The following OPCML variants were observed in gnomAD, a reference collection of about 807,000 sequenced individuals.
OPCML encodes opioid binding protein/cell adhesion molecule like.
OPCML carries 13 observed loss-of-function variants against 37.8 expected under a neutral mutation model. The ratio of observed to expected loss-of-function variants is 0.34; its 90% CI spans 0.22 to 0.55. OPCML has a LOEUF of 0.55. OPCML is among the 20% of genes least tolerant of loss of function. OPCML has a pLI of 0.91. For synonymous variants in OPCML, 176 were observed against 168.8 expected, an observed-to-expected ratio of 1.04 and a Z score of -0.33; for missense variants, 341 against 435.6, an observed-to-expected ratio of 0.78 and a Z score of 1.93.
chr11:133,075,955 G>A (rs1402854908), intron 1 of OPCML, among the ~76,000 whole-genome samples: 1 of 152,088 alleles, frequency 6.6e-6, no homozygotes, highest in Non-Finnish European at 1.5e-5. Context: ...TGTTATTTGG[G>A]ATGACTTAAA....
In OPCML at chr11:132,419,895, A is replaced by G; in HGVS notation, c.*298T>C. ...GCAGAGGATGTTGTTGGGAATGATG[A>G]TGAGGAGAGAAGCAGAGGAAAGGGA... On this transcript the variant is annotated 3_prime_UTR_variant, in exon 8 of 8. Transcript: ENST00000524381. 1 of 341,378 alleles carries G rather than the reference A, an allele frequency of 2.9e-6. No individual in the cohort carries two copies. The highest frequency in any genetic ancestry group is 5.4e-6 in the Non-Finnish European group (1 of 186,526). The allele number at this position is 341,378 out of a possible 1,614,324, so 21.1% of individuals were successfully genotyped here.
At chr11:132,781,383 C>G (rs1258966388) in intron 2 of OPCML, among the ~76,000 whole-genome samples, 3 of 151,930 alleles carry the variant, frequency 2.0e-5, no homozygotes, top group Non-Finnish European at 4.4e-5. Flanking sequence ...GCTTTTCTTG[C>G]TTTTGGACTT....
chr11:132,619,883 A>T (rs1414980764), intron 3 of OPCML, among the ~76,000 whole-genome samples: 2 of 151,788 alleles, frequency 1.3e-5, no homozygotes, highest in Non-Finnish European at 2.9e-5. Flanking sequence ...GCCTAAAACA[A>T]TGGGAAAATA....
intron 1 of OPCML, among the ~76,000 whole-genome samples, chr11:133,131,649 A>G (rs887366886): frequency 6.6e-6 from 1 of 152,210 alleles, no homozygotes; most frequent in African/African-American, 2.4e-5. Context: ...TGATATAGCA[A>G]TAACACCCTT....
chr11:133,058,282 G>A (rs1358080338), intron 1 of OPCML, among the ~76,000 whole-genome samples: 1 of 152,198 alleles, frequency 6.6e-6, no homozygotes, highest in Non-Finnish European at 1.5e-5. Flanking sequence ...ACATGACGTG[G>A]AATTTAAAGG....
chr11:133,141,888 C>G (rs1390421802), intron 1 of OPCML, among the ~76,000 whole-genome samples: 3 of 152,200 alleles, frequency 2.0e-5, no homozygotes, highest in Admixed American at 6.5e-5. Context: ...CCTTCTCACG[C>G]TCTGTCTCAT....
chr11:133,167,521 CTT>C (rs113920335), intron 1 of OPCML, among the ~76,000 whole-genome samples: 493 of 133,644 alleles, frequency 3.7e-3, no homozygotes, highest in African/African-American at 0.013. Context: ...TGCCAGCTTT[CTT>C]TCTCTTTTTT....
chr11:132,578,811 A>G (rs534796717), intron 3 of OPCML, among the ~76,000 whole-genome samples: 1 of 152,266 alleles, frequency 6.6e-6, no homozygotes, highest in African/African-American at 2.4e-5. Flanking sequence ...ATCATATGCA[A>G]TATTACATAT....
chr11:133,449,247 G>A (rs548340085), intron 1 of OPCML, among the ~76,000 whole-genome samples: 1 of 152,304 alleles, frequency 6.6e-6, no homozygotes, highest in Admixed American at 6.5e-5. Context: ...GCTTTTTTCT[G>A]CAAAAGGACA....
chr11:132,739,551 A>G (rs933366907), intron 2 of OPCML, among the ~76,000 whole-genome samples: 6 of 152,216 alleles, frequency 3.9e-5, no homozygotes, highest in Admixed American at 2.6e-4. Flanking sequence ...AGAAAATTTC[A>G]TGGGTGGGAC....
rs543565648 is a variant in OPCML at position 132,908,179 on chromosome 11, G to A, written c.146+34747C>T. On this transcript the variant is annotated intron_variant, in intron 2 of 7. Transcript: ENST00000524381. Reference sequence around the variant, plus strand: ...GCACAAACTCCTGCCCATCAAATACGGCCTGACTAATAACAGGAAGACTGA... The same window carrying A: ...GCACAAACTCCTGCCCATCAAATACAGCCTGACTAATAACAGGAAGACTGA... 2.6e-5 allele frequency among the ~76,000 whole-genome samples: 4 copies of A among 152,170 alleles called. No homozygotes were observed. In the South Asian group the frequency reaches 8.3e-4, roughly 32 times the overall value.
chr11:133,079,491 C>A (rs944659650), intron 1 of OPCML, among the ~76,000 whole-genome samples: 5 of 151,158 alleles, frequency 3.3e-5, no homozygotes, highest in African/African-American at 4.8e-5. Context: ...TCAGATAAAT[C>A]AAAAATCTCT....
chr11:133,112,285 CAAAAAAAAAAA>C (rs370146450), intron 1 of OPCML, among the ~76,000 whole-genome samples: 30 of 49,144 alleles, frequency 6.1e-4, no homozygotes, highest in Admixed American at 5.3e-3. Flanking sequence ...GACTCTTGGC[CAAAAAAAAAAA>C]AAAAAAAAAA....
chr11:132,869,832 T>C (rs1165243589), intron 2 of OPCML, among the ~76,000 whole-genome samples: 1 of 152,182 alleles, frequency 6.6e-6, no homozygotes, highest in Admixed American at 6.5e-5. Context: ...AATATTAGGC[T>C]GTACTGGCAG....
intron 4 of OPCML, among the ~76,000 whole-genome samples, chr11:132,528,337 T>C (rs1354205838): frequency 6.6e-6 from 1 of 152,208 alleles, no homozygotes; most frequent in Non-Finnish European, 1.5e-5. Context: ...AAGCTCTTGT[T>C]TCTTGTATAA....
chr11:132,511,934 C>T (rs1398114607), intron 4 of OPCML, among the ~76,000 whole-genome samples: 1 of 151,908 alleles, frequency 6.6e-6, no homozygotes, highest in Non-Finnish European at 1.5e-5. Flanking sequence ...AATGAGAAGG[C>T]AAAGCATAGG....
chr11:133,131,099 G>C (rs1252197214), intron 1 of OPCML, among the ~76,000 whole-genome samples: 1 of 152,080 alleles, frequency 6.6e-6, no homozygotes, highest in Non-Finnish European at 1.5e-5. Flanking sequence ...GAGGGCTTTT[G>C]TACCTCCCAC....
At chr11:133,483,977 A>ATAGG (rs1947461456) in intron 1 of OPCML, among the ~76,000 whole-genome samples, 1 of 150,644 alleles carries the variant, frequency 6.6e-6, no homozygotes, top group African/African-American at 2.5e-5. Flanking sequence ...AGATAGGTAG[A>ATAGG]TAGAAAGATA....
chr11:133,140,911 G>T lies in OPCML; in HGVS notation c.62-197901C>A, dbSNP rs796185476. On this transcript the variant is annotated intron_variant, in intron 1 of 7. Transcript: ENST00000524381. ...CGACGACGAAGACGACGACGACGAA[G>T]AAGAAGAAGACGACGACGACGAAGA... 5.7e-3 allele frequency among the ~76,000 whole-genome samples: 118 copies of T among 20,636 alleles called. 33 individuals carry two copies. The highest frequency in any genetic ancestry group is 0.01 in the African/African-American group (115 of 11,486). 13.5% of individuals were successfully genotyped at this position (20,636 alleles called of 152,430 possible).
Sources: allele counts gnomAD v4.1 joint callset (sites outside exome capture counted in the v4.1 genomes callset), GRCh38; gene constraint gnomAD v4.1.1; transcripts MANE v1.5; gene names NCBI Gene and HGNC (gene_info 2026-07-23, HGNC 2026-07-21).